The following AFF2 variants were observed in gnomAD, a reference collection of about 807,000 sequenced individuals.
AFF2 encodes AF4/FMR2 family member 2.
AFF2 carries 14 observed loss-of-function variants against 76.9 expected under a neutral mutation model. That is an observed-to-expected ratio of 0.18 (90% confidence interval 0.12 to 0.28). AFF2 has a LOEUF of 0.28. Among genes scored for constraint, AFF2 ranks in the 10% least tolerant of loss-of-function variants. The pLI is 1.00. For synonymous variants in AFF2, 398 were observed against 366.7 expected (o/e 1.09, Z -0.98); for missense variants, 868 against 1,001.1 (o/e 0.87, Z 1.79).
intron 8 of AFF2, among the ~76,000 whole-genome samples, chrX:148,899,481 G>GA (rs1223676253): frequency 3.6e-5 from 4 of 110,877 alleles, no homozygotes; most frequent in Non-Finnish European, 5.7e-5. Flanking sequence ...ACAATCATGT[G>GA]AAAAAAAATT....
intron 9 of AFF2, 28 bp from the exon 10 acceptor site, chrX:148,953,552 G>T: frequency 1.7e-6 from 2 of 1,190,097 alleles, no homozygotes; most frequent in Non-Finnish European, 1.1e-6. Flanking sequence ...AGTAAATGAG[G>T]CAATGAATTA....
intron 1 of AFF2, among the ~76,000 whole-genome samples, chrX:148,636,307 G>C (rs1421838024): frequency 8.9e-6 from 1 of 111,950 alleles, no homozygotes; most frequent in Non-Finnish European, 1.9e-5. Flanking sequence ...TGAGCGTGTC[G>C]AGGGCTATGG....
chrX:148,811,983 C>CTT (rs369549004), intron 4 of AFF2, among the ~76,000 whole-genome samples: 51 of 103,106 alleles, frequency 4.9e-4, no homozygotes, highest in Middle Eastern at 1.0e-2. Flanking sequence ...GTATAGAATT[C>CTT]TTTTTTTTTT....
chrX:148,719,355 C>A, intron 3 of AFF2: 1 of 457,439 alleles, frequency 2.2e-6, no homozygotes, highest in Non-Finnish European at 3.7e-6. Context: ...TAAAGCTATC[C>A]AAAGCACTGA....
chrX:148,966,755 A>G (rs1557288751), intron 13 of AFF2, 35 bp from the exon 14 acceptor site: 1 of 1,200,331 alleles, frequency 8.3e-7, no homozygotes, highest in African/African-American at 1.8e-5. Context: ...AAAAAGCTGG[A>G]CCTAATGGAA....
chrX:148,792,578 A>G (rs2069912185), intron 3 of AFF2, among the ~76,000 whole-genome samples: 1 of 112,992 alleles, frequency 8.9e-6, no homozygotes, highest in African/African-American at 3.2e-5. Context: ...TATACTATTA[A>G]TCATTCAGTT....
chrX:148,957,092 G>T (rs1472851747), intron 11 of AFF2, among the ~76,000 whole-genome samples: 2 of 112,110 alleles, frequency 1.8e-5, no homozygotes, highest in Non-Finnish European at 3.8e-5. Context: ...GGCTAGAGCT[G>T]AATTCCAAGG....
chrX:148,578,849 T>A (rs949111378), intron 1 of AFF2, among the ~76,000 whole-genome samples: 3 of 111,933 alleles, frequency 2.7e-5, no homozygotes, highest in Non-Finnish European at 5.6e-5. Context: ...GGGACATAAA[T>A]GTTAGACTCT....
chrX:148,675,595 T>G (rs782431916), intron 3 of AFF2, among the ~76,000 whole-genome samples: 2 of 109,179 alleles, frequency 1.8e-5, no homozygotes, highest in Non-Finnish European at 3.8e-5. Context: ...TTCCTCTGCT[T>G]GTCAGGTTCT....
chrX:148,942,505 A>AG (rs2071848771), intron 9 of AFF2, among the ~76,000 whole-genome samples: 1 of 111,692 alleles, frequency 9.0e-6, no homozygotes, highest in Admixed American at 9.5e-5. Context: ...AATGAGGTCA[A>AG]GGCAAGTAAG....
At chrX:148,853,140 G>A (rs1158819302) in intron 7 of AFF2, among the ~76,000 whole-genome samples, 4 of 111,480 alleles carry the variant, frequency 3.6e-5, no homozygotes, top group African/African-American at 1.3e-4. Context: ...CTTATTAATT[G>A]TTAAATACGA....
intron 3 of AFF2, among the ~76,000 whole-genome samples, chrX:148,795,832 A>AATATATATATAT (rs1169188980): frequency 3.9e-4 from 6 of 15,530 alleles, no homozygotes; most frequent in African/African-American, 4.8e-4. Flanking sequence ...AAAAAAAAAA[A>AATATATATATAT]ATATATATAT....
intron 9 of AFF2, among the ~76,000 whole-genome samples, chrX:148,940,029 C>T (rs1557285432): frequency 9.0e-6 from 1 of 111,685 alleles, no homozygotes. Flanking sequence ...CAGTGTTTTG[C>T]CCAAGTTTCT....
chrX:148,886,442 G>A (rs997031289), intron 8 of AFF2, among the ~76,000 whole-genome samples: 6 of 111,616 alleles, frequency 5.4e-5, no homozygotes, highest in Non-Finnish European at 9.4e-5. Context: ...GAATCAATAC[G>A]CAACATCTTG....
rs782508166 is a variant in AFF2, at chrX:148,916,196, C to CTTTTTTTTTTTTT, written c.1397+11957_1397+11969dup. Among the ~76,000 whole-genome samples, 27 of 34,038 alleles carry CTTTTTTTTTTTTT rather than the reference C, an allele frequency of 7.9e-4. 2 individuals carry two copies. The highest frequency in any genetic ancestry group is 2.9e-3 in the African/African-American group (23 of 8,055). 29.6% of individuals were successfully genotyped at this position (34,038 alleles called of 115,157 possible). On this transcript the variant is annotated intron_variant, in intron 9 of 20. Coordinates refer to ENST00000370460, the MANE Select transcript of AFF2 (RefSeq NM_002025.4). ...AATAGACTTTTGAATGTGGTTTTAACTTTTTTTTTTTTTTTTTTTTTTTTT... is the reference window on the plus strand; with the variant it reads ...AATAGACTTTTGAATGTGGTTTTAACTTTTTTTTTTTTTTTTTTTTTTTTTTTTTTTTTTTTTT...
chrX:148,740,160 TG>T (rs782038076), intron 3 of AFF2, among the ~76,000 whole-genome samples: 2 of 111,614 alleles, frequency 1.8e-5, no homozygotes, highest in South Asian at 7.5e-4. Flanking sequence ...ACTTCCTAGG[TG>T]TTCTTTGTGC....
chrX:148,655,374 C>G (rs1480992978), intron 2 of AFF2, among the ~76,000 whole-genome samples: 1 of 106,830 alleles, frequency 9.4e-6, no homozygotes, highest in Admixed American at 1.0e-4. Flanking sequence ...CTCCCATGTT[C>G]AAGTGATTCT....
Position 148,501,115 on chromosome X carries a change from T to A in AFF2, c.18T>A (p.Phe6Leu), listed in dbSNP as rs782754337. Residue 6 changes from phenylalanine to leucine, a missense_variant, in exon 1 of 21, where the codon TTT becomes TTA. Phe to Leu is a conservative substitution (Grantham distance 22, BLOSUM62 0). Around this residue, in one of 6 missense-constraint regions of AFF2, gnomAD observed 196 missense variants for 194.8 expected, o/e 1.01. Coordinates refer to ENST00000370460, the MANE Select transcript of AFF2 (RefSeq NM_002025.4). MDLFD[F>L]FRDWDLEQQC... ...TGGCCGCTATGGATCTATTCGACTTTTTCAGAGACTGGGACTTGGAGCAGC... is the reference window on the plus strand; with the variant it reads ...TGGCCGCTATGGATCTATTCGACTTATTCAGAGACTGGGACTTGGAGCAGC... The A allele has an allele frequency of 8.3e-7, 1 of 1,210,779 alleles. No individual in the cohort carries two copies. The highest frequency in any genetic ancestry group is 2.2e-5 in the Admixed American group (1 of 46,097).
chrX:148,683,920 G>A (rs906847300), intron 3 of AFF2, among the ~76,000 whole-genome samples: 2 of 111,338 alleles, frequency 1.8e-5, no homozygotes, highest in African/African-American at 6.6e-5. Context: ...ATTTATATGA[G>A]GCAACATTGC....
Sources: allele counts gnomAD v4.1 joint callset (sites outside exome capture counted in the v4.1 genomes callset), GRCh38; gene constraint gnomAD v4.1.1; regional missense constraint gnomAD v4.1.1; transcripts MANE v1.5; gene names NCBI Gene and HGNC (gene_info 2026-07-23, HGNC 2026-07-21).